Variants in MAD1L1 observed in about 807,000 individuals in gnomAD.
MAD1L1 encodes the protein mitotic spindle assembly checkpoint protein MAD1.
MAD1L1 carries 95 observed loss-of-function variants against 96.9 expected under a neutral mutation model. The observed-to-expected ratio is 0.98, with a 90% CI of 0.83 to 1.16. The LOEUF is 1.16. Ranked by LOEUF, MAD1L1 falls within the 50% of genes most tolerant of loss-of-function variation. MAD1L1 has a pLI of 0.00. For synonymous variants in MAD1L1, 473 were observed against 396.6 expected, an observed-to-expected ratio of 1.19 and a Z score of -2.29; for missense variants, 1,007 against 954.4, an observed-to-expected ratio of 1.06 and a Z score of -0.73.
intron 16 of MAD1L1, among the ~76,000 whole-genome samples, chr7:1,943,826 C>G (rs909897900): frequency 1.3e-5 from 2 of 152,064 alleles, no homozygotes; most frequent in Non-Finnish European, 2.9e-5. Context: ...CGGAAACCAT[C>G]CAGATGTCCA....
intron 16 of MAD1L1, among the ~76,000 whole-genome samples, chr7:1,955,738 T>C (rs1253903090): frequency 1.3e-5 from 2 of 152,100 alleles, no homozygotes; most frequent in Non-Finnish European, 2.9e-5. Flanking sequence ...ACAGTCTTCC[T>C]GGATGTTGCC....
chr7:2,100,415 G>A (rs1009281254), intron 11 of MAD1L1, among the ~76,000 whole-genome samples: 6 of 152,204 alleles, frequency 3.9e-5, no homozygotes, highest in South Asian at 4.1e-4. Context: ...CTTCCTGGAG[G>A]GGGTGCCACA....
chr7:2,012,284 C>G (rs1402254877), intron 13 of MAD1L1, among the ~76,000 whole-genome samples: 2 of 152,204 alleles, frequency 1.3e-5, no homozygotes, highest in Non-Finnish European at 2.9e-5. Context: ...GTGCCCACGG[C>G]CAGGCCCGTG....
chr7:1,949,068 A>C (rs10950467), intron 16 of MAD1L1, among the ~76,000 whole-genome samples: 136,036 of 152,246 alleles, frequency 0.89, 61,315 homozygotes, highest in Non-Finnish European at 0.96. Context: ...AGCAAAGGAA[A>C]AGCCCAGCTG....
intron 12 of MAD1L1, among the ~76,000 whole-genome samples, chr7:2,047,631 A>G (rs917065271): frequency 6.6e-6 from 1 of 152,240 alleles, no homozygotes; most frequent in African/African-American, 2.4e-5. Flanking sequence ...CAAAATGCAT[A>G]AAAGAACCAG....
Position 1,832,364 on chromosome 7 carries a change from G to A in MAD1L1, c.1999-16136C>T, listed in dbSNP as rs1333579748. Among the ~76,000 whole-genome samples, 6 of 152,092 alleles carry A rather than the reference G, an allele frequency of 3.9e-5. No individual in the cohort carries two copies. In the South Asian group the frequency reaches 1.2e-3, roughly 32 times the overall value. On this transcript the variant is annotated intron_variant, in intron 18 of 18. Coordinates refer to ENST00000265854, the MANE Select transcript of MAD1L1 (RefSeq NM_001013836.2). The stretch of plus-strand genomic sequence containing the variant: ...AAGCTTGAATGGATGAGGAGCTGCT[G>A]CTTATGAATGAACAAAGAAAGTGGT...
Position 2,141,687 on chromosome 7 carries a change from G to A in MAD1L1, c.1073+7465C>T, listed in dbSNP as rs3800921. 5.5e-4 allele frequency among the ~76,000 whole-genome samples: 84 copies of A among 151,750 alleles called. 2 individuals carry two copies. In the East Asian group the frequency reaches 0.014, roughly 26 times the overall value. On this transcript the variant is annotated intron_variant, in intron 11 of 18. Transcript: ENST00000265854. Reference sequence around the variant, plus strand: ...ACAGGCCTGGTACCCACCCACCCCCGCTGAGGAGGCCCCACGAGGAGGTTC... The same window carrying A: ...ACAGGCCTGGTACCCACCCACCCCCACTGAGGAGGCCCCACGAGGAGGTTC...
intron 15 of MAD1L1, among the ~76,000 whole-genome samples, chr7:1,979,487 C>T (rs1271312162): frequency 2.6e-5 from 4 of 152,248 alleles, no homozygotes; most frequent in African/African-American, 7.2e-5. Flanking sequence ...ACTTTCAATC[C>T]GCACTGGATG....
At chr7:2,124,437 A>G (rs1327468296) in intron 11 of MAD1L1, among the ~76,000 whole-genome samples, 1 of 152,174 alleles carries the variant, frequency 6.6e-6, no homozygotes, top group African/African-American at 2.4e-5. Context: ...GACCTGGGAG[A>G]TGAGTGGGCA....
rs1026243953 is a variant in MAD1L1 at position 2,067,206 on chromosome 7, G to A, written c.1218+1988C>T. Among the ~76,000 whole-genome samples the A allele has an allele frequency of 1.4e-4, 18 of 130,812 alleles. 1 individual carries two copies. The highest frequency in any genetic ancestry group is 1.5e-5 in the Non-Finnish European group (1 of 65,032). The allele number at this position is 130,812 out of a possible 152,430, so 85.8% of individuals were successfully genotyped here. A position where few individuals can be genotyped will look rare whatever the true frequency, so the allele number is the denominator to read the frequency against. On this transcript the variant is annotated intron_variant, in intron 12 of 18. Transcript: ENST00000265854. ...ATCAGGCCACGTTCGCAGGCACCCG[G>A]GGTCATCAGGCCATGTTCGCAGGCA... is the stretch of plus-strand genomic sequence containing the variant.
At chr7:1,998,497 C>G (rs572304941) in intron 14 of MAD1L1, among the ~76,000 whole-genome samples, 1 of 152,212 alleles carries the variant, frequency 6.6e-6, no homozygotes, top group Non-Finnish European at 1.5e-5. Context: ...CCCCCAGGCA[C>G]GTTTCAATTC....
chr7:2,213,537 C>T (rs73673549), intron 9 of MAD1L1, among the ~76,000 whole-genome samples: 6 of 152,168 alleles, frequency 3.9e-5, no homozygotes, highest in Admixed American at 6.5e-5. Context: ...CTAAAAGCAA[C>T]GTGTGGCTGT....
rs1474622224 is a variant in MAD1L1 at position 2,146,933 on chromosome 7, C to T, written c.1073+2219G>A. ...CAGAACGCAAGCACCAAGGCCACGA[C>T]GGGACTCATCCACACCTCATTGGCC... On this transcript the variant is annotated intron_variant, in intron 11 of 18. Transcript: ENST00000265854. This position sits in a 1 kb window ranked among gnomAD's most constrained non-coding sequence, Gnocchi z 6.2. 1.3e-5 allele frequency among the ~76,000 whole-genome samples: 2 copies of T among 152,188 alleles called. No homozygotes were observed. Among genetic ancestry groups the T allele is most frequent in the Non-Finnish European group, 2.9e-5 (2 of 68,040 alleles).
chr7:2,172,817 T>A (rs1175446830), intron 10 of MAD1L1, among the ~76,000 whole-genome samples: 1 of 152,202 alleles, frequency 6.6e-6, no homozygotes, highest in Non-Finnish European at 1.5e-5. Context: ...GAGCCCCAGA[T>A]GGGCTCCCGT....
At chr7:2,162,612 A>C (rs1790211018) in intron 10 of MAD1L1, among the ~76,000 whole-genome samples, 1 of 151,776 alleles carries the variant, frequency 6.6e-6, no homozygotes, top group South Asian at 2.1e-4. Context: ...ACAAACAAAA[A>C]ACCAACTTAA....
chr7:2,222,066 A>G (rs1793636184), intron 5 of MAD1L1, among the ~76,000 whole-genome samples: 1 of 150,428 alleles, frequency 6.6e-6, no homozygotes, highest in East Asian at 1.9e-4. Context: ...AAGGCAAAAA[A>G]GTGCTTAACT....
At chr7:2,164,093 G>A (rs6972680) in intron 10 of MAD1L1, among the ~76,000 whole-genome samples, 9,342 of 152,154 alleles carry the variant, frequency 0.061, 970 homozygotes, top group African/African-American at 0.21. Context: ...ACTGAGAAGC[G>A]GATGCATGCA....
intron 11 of MAD1L1, among the ~76,000 whole-genome samples, chr7:2,100,578 G>A (rs1047238308): frequency 9.2e-5 from 14 of 152,244 alleles, no homozygotes; most frequent in African/African-American, 2.9e-4. Flanking sequence ...CCTGACACCT[G>A]AGAGCAGAGA....
Position 2,001,095 on chromosome 7 carries a change from G to A in MAD1L1, c.1416+970C>T, listed in dbSNP as rs143250409. Among the ~76,000 whole-genome samples, 272 of 152,354 alleles carry A rather than the reference G, an allele frequency of 1.8e-3. 1 individual carries two copies. Among genetic ancestry groups the A allele is most frequent in the African/African-American group, 6.1e-3 (255 of 41,580 alleles). On this transcript the variant is annotated intron_variant, in intron 14 of 18. Transcript: ENST00000265854. ...AATGAACCCTCAGCACACCCCTGCC[G>A]GGTGGAGAGGAAGGCCCTGAGGCCC...
Sources: allele counts gnomAD v4.1 joint callset (sites outside exome capture counted in the v4.1 genomes callset), GRCh38; gene constraint gnomAD v4.1.1; non-coding constraint Gnocchi (gnomAD v3.1); transcripts MANE v1.5; gene names NCBI Gene and HGNC (gene_info 2026-07-23, HGNC 2026-07-21).